Variants in PDE5A observed in about 807,000 individuals in gnomAD.
The protein encoded by PDE5A is phosphodiesterase 5A.
Under a neutral mutation model 110.2 loss-of-function variants are expected in PDE5A, and 67 were observed. The observed-to-expected ratio is 0.61, with a 90% CI of 0.50 to 0.75. The LOEUF (loss-of-function observed/expected upper bound fraction) is 0.75. Ranked by LOEUF, PDE5A falls within the 30% of genes least tolerant of loss-of-function variation. PDE5A has a pLI of 0.00. For synonymous variants in PDE5A, 328 were observed against 351.2 expected (o/e 0.93, Z 0.74); for missense variants, 862 against 1,045.1 (o/e 0.82, Z 2.42).
intron 3 of PDE5A, among the ~76,000 whole-genome samples, chr4:119,582,660 T>C (rs988624686): frequency 2.0e-5 from 3 of 152,168 alleles, no homozygotes. Flanking sequence ...CAATAAGACT[T>C]GAAAGCAGAA....
rs1056922381 is a variant in PDE5A, at chr4:119,546,205, A to G, written c.1397-3571T>C. Among the ~76,000 whole-genome samples the G allele has an allele frequency of 8.5e-5, 13 of 152,310 alleles. No homozygotes were observed. The East Asian group carries it at 2.5e-3, about 29-fold the overall frequency. On this transcript the variant is annotated intron_variant, in intron 9 of 20. Coordinates refer to ENST00000354960, the MANE Select transcript of PDE5A (RefSeq NM_001083.4). ...TGAATTGTCACCATATACTAAATTC[A>G]TATTTGTTTCAACTATTACATACTT...
intron 2 of PDE5A, among the ~76,000 whole-genome samples, chr4:119,601,604 C>G (rs553528276): frequency 6.6e-6 from 1 of 152,262 alleles, no homozygotes; most frequent in East Asian, 1.9e-4. Context: ...GCGGGGGTCA[C>G]TAGAATCCTT....
intron 3 of PDE5A, among the ~76,000 whole-genome samples, chr4:119,576,567 C>A (rs1264347209): frequency 6.6e-6 from 1 of 152,176 alleles, no homozygotes; most frequent in Non-Finnish European, 1.5e-5. Context: ...GGAAACTGAA[C>A]AATCGGCTCC....
intron 1 of PDE5A, among the ~76,000 whole-genome samples, chr4:119,622,700 C>T (rs1036405395): frequency 5.9e-5 from 9 of 151,520 alleles, no homozygotes; most frequent in African/African-American, 1.2e-4. Flanking sequence ...GGTGAAACCC[C>T]GTCTCTACTA....
chr4:119,599,603 T>C (rs1729268947), intron 2 of PDE5A, among the ~76,000 whole-genome samples: 1 of 150,504 alleles, frequency 6.6e-6, no homozygotes, highest in South Asian at 2.1e-4. Flanking sequence ...AGTCAGTGAC[T>C]CTGAAGATAA....
intron 10 of PDE5A, among the ~76,000 whole-genome samples, chr4:119,540,400 T>C (rs1159583226): frequency 6.6e-6 from 1 of 152,176 alleles, no homozygotes; most frequent in Non-Finnish European, 1.5e-5. Flanking sequence ...CATTAGTCAC[T>C]AGGAAACCTC....
intron 3 of PDE5A, among the ~76,000 whole-genome samples, chr4:119,574,421 T>A (rs528072017): frequency 5.8e-4 from 88 of 152,022 alleles, no homozygotes; most frequent in Non-Finnish European, 1.1e-3. Flanking sequence ...GACCTTGCGA[T>A]CTGCCCGCCT....
At chr4:119,505,717 C>T in intron 17 of PDE5A, 138 bp downstream of exon 17, 4 of 584,952 alleles carry the variant, frequency 6.8e-6, no homozygotes, top group South Asian at 2.1e-5. Context: ...TTTGTACAAC[C>T]CTCTGGAGAA....
In PDE5A at chr4:119,507,636, A is replaced by G; in HGVS notation, c.2157T>C (p.Ala719=). 6.3e-7 allele frequency: 1 copy of G among 1,582,558 alleles called. No homozygotes were observed. The highest frequency in any genetic ancestry group is 8.6e-7 in the Non-Finnish European group (1 of 1,168,764). The change falls in exon 16 of 21, where the codon GCT becomes GCC. Residue 719 remains alanine, a synonymous_variant. Coordinates refer to ENST00000354960, the MANE Select transcript of PDE5A (RefSeq NM_001083.4). ...ACAGTGCTAGGTCTGTAGCTAAAAT[A>G]GCTTGCTTGATTATTTTCAACGTGG... is the stretch of plus-strand genomic sequence containing the variant. The part of the protein sequence containing the change: ...YKTTLKIIKQ[A]ILATDLALYI...
chr4:119,502,280 A>C (rs552516049), intron 19 of PDE5A: 15 of 216,770 alleles, frequency 6.9e-5, no homozygotes, highest in Non-Finnish European at 1.2e-4. Context: ...ATTTCATGTA[A>C]TCATGATAAT....
intron 11 of PDE5A, among the ~76,000 whole-genome samples, chr4:119,533,709 C>T (rs1282159740): frequency 2.6e-5 from 4 of 151,718 alleles, no homozygotes; most frequent in East Asian, 1.9e-4. Context: ...AAAGAGGCAC[C>T]GACTATAGAA....
At chr4:119,562,489 G>GT (rs200677676) in intron 6 of PDE5A, among the ~76,000 whole-genome samples, 39,961 of 152,058 alleles carry the variant, frequency 0.26, 5,378 homozygotes, top group East Asian at 0.38. Flanking sequence ...CAGTATTCCT[G>GT]ACCATGAAAA....
chr4:119,601,314 T>C (rs906500677), intron 2 of PDE5A, among the ~76,000 whole-genome samples: 1 of 151,990 alleles, frequency 6.6e-6, no homozygotes, highest in African/African-American at 2.4e-5. Context: ...TAATCAATCA[T>C]ACCTACATAA....
In PDE5A at chr4:119,495,585, G is replaced by C. The variant is rs201899276; in HGVS notation, c.*3016C>G. ...GAAAATAAAGGCACTTCACTGCTAG[G>C]CAAGAATATATCTGTGACTGAACAG... is the stretch of plus-strand genomic sequence containing the variant. On this transcript the variant is annotated 3_prime_UTR_variant, in exon 21 of 21. Coordinates refer to ENST00000354960, the MANE Select transcript of PDE5A (RefSeq NM_001083.4). 3 of 152,516 alleles carry C rather than the reference G, an allele frequency of 2.0e-5. No homozygotes were observed. Among genetic ancestry groups the C allele is most frequent in the Non-Finnish European group, 4.4e-5 (3 of 68,032 alleles). The allele number at this position is 152,516 out of a possible 1,614,324, so 9.4% of individuals were successfully genotyped here.
At chr4:119,577,907 G>A (rs1287428426) in intron 3 of PDE5A, among the ~76,000 whole-genome samples, 1 of 152,196 alleles carries the variant, frequency 6.6e-6, no homozygotes, top group African/African-American at 2.4e-5. Flanking sequence ...GTCCCTGTTT[G>A]CAGATGGCAT....
intron 2 of PDE5A, among the ~76,000 whole-genome samples, chr4:119,600,562 A>C (rs545226864): frequency 6.6e-5 from 10 of 152,272 alleles, no homozygotes; most frequent in Non-Finnish European, 1.2e-4. Flanking sequence ...AAACATTCTG[A>C]TTAGCCAGAA....
chr4:119,504,829 GC>G (rs1725501966), intron 17 of PDE5A, among the ~76,000 whole-genome samples: 1 of 152,022 alleles, frequency 6.6e-6, no homozygotes, highest in Non-Finnish European at 1.5e-5. Flanking sequence ...TCCTCAAACT[GC>G]CTCATTTAGC....
At position 119,505,841 on chromosome 4, in the gene PDE5A, G is replaced by T. The variant is rs1458513130; in HGVS notation, c.2267+14C>A. 1 of 1,468,826 alleles carries T rather than the reference G, an allele frequency of 6.8e-7. No homozygotes were observed. Among genetic ancestry groups the T allele is most frequent in the East Asian group, 2.4e-5 (1 of 42,466 alleles). 91.0% of individuals were successfully genotyped at this position (1,468,826 alleles called of 1,614,324 possible). ...GTAAAAAACTTCAGCTTTAAAGATAGTAAACCTACTTACAAAAACAACTCC... is the reference window on the plus strand; with the variant it reads ...GTAAAAAACTTCAGCTTTAAAGATATTAAACCTACTTACAAAAACAACTCC... On this transcript the variant is annotated intron_variant, in intron 17 of 20. Coordinates refer to ENST00000354960, the MANE Select transcript of PDE5A (RefSeq NM_001083.4).
At chr4:119,573,364 G>A (rs185853438) in intron 3 of PDE5A, among the ~76,000 whole-genome samples, 1 of 152,268 alleles carries the variant, frequency 6.6e-6, no homozygotes, top group East Asian at 1.9e-4. Flanking sequence ...CTTTTTCAAT[G>A]TTTGTCAATC....
Sources: allele counts gnomAD v4.1 joint callset (sites outside exome capture counted in the v4.1 genomes callset), GRCh38; gene constraint gnomAD v4.1.1; transcripts MANE v1.5; gene names NCBI Gene and HGNC (gene_info 2026-07-23, HGNC 2026-07-21).